Variants in DNAH11 observed in about 807,000 individuals in gnomAD.
The protein encoded by DNAH11 is dynein axonemal heavy chain 11.
Under a neutral mutation model 526.0 loss-of-function variants are expected in DNAH11, and 442 were observed. That is an observed-to-expected ratio of 0.84 (90% CI 0.78 to 0.91). The LOEUF (loss-of-function observed/expected upper bound fraction) is 0.91. DNAH11 is among the 40% of genes least tolerant of loss of function. The pLI is 0.00. For missense variants in DNAH11, 6,989 were observed against 5,448.7 expected, an observed-to-expected ratio of 1.28 and a Z score of -8.90; for synonymous variants, 2,461 against 1,935.9, an observed-to-expected ratio of 1.27 and a Z score of -7.12.
At chr7:21,723,052 T>C (rs1179993042) in intron 44 of DNAH11, among the ~76,000 whole-genome samples, 1 of 152,172 alleles carries the variant, frequency 6.6e-6, no homozygotes, top group Non-Finnish European at 1.5e-5. Flanking sequence ...TGAGCAGCAA[T>C]AGCAGCTTAA....
rs1343804925 is a variant in DNAH11, at chr7:21,558,879, C to T, written c.573C>T (p.His191=). ...SCFTSQDMEY[H]IEVMKKKMYI... Reference sequence around the variant, plus strand: ...TTACTTCACAAGATATGGAATATCACATAGAAGTCATGAAAAAGAAGATGT... The same window carrying T: ...TTACTTCACAAGATATGGAATATCATATAGAAGTCATGAAAAAGAAGATGT... The change falls in exon 3 of 82, where the codon CAC becomes CAT. Residue 191 remains histidine, a synonymous_variant. Coordinates refer to ENST00000409508, the MANE Select transcript of DNAH11 (RefSeq NM_001277115.2). The T allele has an allele frequency of 1.9e-6, 3 of 1,608,062 alleles. No homozygotes were observed. The highest frequency in any genetic ancestry group is 2.5e-6 in the Non-Finnish European group (3 of 1,176,866).
At position 21,736,178 on chromosome 7, in the gene DNAH11, T is replaced by A. The variant is rs368465263; in HGVS notation, c.7645+334T>A. Among the ~76,000 whole-genome samples the A allele has an allele frequency of 5.3e-5, 8 of 152,330 alleles. No individual in the cohort carries two copies. In the East Asian group the frequency reaches 1.4e-3, roughly 26 times the overall value. ...TAAGGGTATACTCAAGGAGGGATGT[T>A]CTGGTTACTTTTTCAAGTAAAAGAT... On this transcript the variant is annotated intron_variant, in intron 46 of 81. Transcript: ENST00000409508.
At chr7:21,750,887 T>C (rs562121608) in intron 54 of DNAH11, among the ~76,000 whole-genome samples, 3 of 152,200 alleles carry the variant, frequency 2.0e-5, no homozygotes, top group East Asian at 1.9e-4. Context: ...AGAGTTCTTA[T>C]AGGGAGAGTG....
intron 28 of DNAH11, among the ~76,000 whole-genome samples, chr7:21,650,692 T>C (rs541293168): frequency 1.0e-3 from 154 of 152,024 alleles, no homozygotes; most frequent in African/African-American, 3.6e-3. Flanking sequence ...CAGGCTGGAG[T>C]GCAGTGGTGC....
intron 45 of DNAH11, among the ~76,000 whole-genome samples, chr7:21,726,786 G>T (rs1785126714): frequency 7.8e-6 from 1 of 127,520 alleles, no homozygotes; most frequent in African/African-American, 3.0e-5. Flanking sequence ...GCTTGAACCT[G>T]GGAGGCGGAG....
At chr7:21,575,618 T>G (rs1014315404) in intron 8 of DNAH11, among the ~76,000 whole-genome samples, 1 of 152,314 alleles carries the variant, frequency 6.6e-6, no homozygotes, top group East Asian at 1.9e-4. Context: ...TCCTTAGTAA[T>G]TCTTTTGGAA....
chr7:21,622,774 G>A (rs1450034335), intron 25 of DNAH11, among the ~76,000 whole-genome samples: 1 of 152,150 alleles, frequency 6.6e-6, no homozygotes, highest in East Asian at 1.9e-4. Context: ...TATGTAGAAA[G>A]CTGAAACTGG....
intron 50 of DNAH11, 83 bp downstream of exon 50, chr7:21,744,682 A>G: frequency 6.5e-7 from 1 of 1,546,622 alleles, no homozygotes; most frequent in South Asian, 1.2e-5. Context: ...GGTATGAGAG[A>G]AGTGCACAAG....
chr7:21,600,573 A>G (rs1019830077), intron 15 of DNAH11, 103 bp from the exon 16 acceptor site: 60 of 1,241,850 alleles, frequency 4.8e-5, no homozygotes, highest in Non-Finnish European at 5.8e-5. Context: ...AATTTTTCTA[A>G]CTACTCTCCC....
chr7:21,764,443 G>A (rs561285262), intron 54 of DNAH11, among the ~76,000 whole-genome samples: 1 of 152,100 alleles, frequency 6.6e-6, no homozygotes, highest in Non-Finnish European at 1.5e-5. Context: ...ATATCATCAG[G>A]TCTGAGCCAT....
At position 21,571,818 on chromosome 7, in the gene DNAH11, A is replaced by G. The variant is rs763939941; in HGVS notation, c.1438A>G (p.Thr480Ala). 3 of 1,611,966 alleles carry G rather than the reference A, an allele frequency of 1.9e-6. No homozygotes were observed. The highest frequency in any genetic ancestry group is 2.5e-6 in the Non-Finnish European group (3 of 1,179,210). The change falls in exon 8 of 82, where the codon ACC becomes GCC. Residue 480 changes from threonine (T) to alanine (A), a missense_variant. Transcript: ENST00000409508. ...RLIKIEDIFA[T>A]TLEFEKLERL... ...GTTTTTTACAAAGGATATATTTGCC[A>G]CCACTTTGGAATTTGAAAAGCTGGA...
chr7:21,756,354 GCTGT>G lies in DNAH11; in HGVS notation c.8940+5995_8940+5998del, dbSNP rs775193656. Among the ~76,000 whole-genome samples, 7 of 151,924 alleles carry G rather than the reference GCTGT, an allele frequency of 4.6e-5. No individual in the cohort carries two copies. In the East Asian group the frequency reaches 1.2e-3, roughly 25 times the overall value. ...CTAAATATATAAGATTCTATTTGGG[GCTGT>G]CTGTTATGTCCCATTAATTTGTTCC... On this transcript the variant is annotated intron_variant, in intron 54 of 81. Coordinates refer to ENST00000409508, the MANE Select transcript of DNAH11 (RefSeq NM_001277115.2).
At chr7:21,825,012 C>G (rs770078517) in intron 65 of DNAH11, among the ~76,000 whole-genome samples, 1 of 152,182 alleles carries the variant, frequency 6.6e-6, no homozygotes, top group African/African-American at 2.4e-5. Context: ...GCTGGAATTA[C>G]AGGCGCCTGC....
intron 74 of DNAH11, among the ~76,000 whole-genome samples, chr7:21,876,140 T>A (rs59354302): frequency 0.032 from 4,834 of 152,156 alleles, 262 homozygotes; most frequent in African/African-American, 0.11. Context: ...CGCCTCGGCA[T>A]CCGAAGTGCT....
chr7:21,801,154 G>C lies in DNAH11; in HGVS notation c.10044G>C (p.Leu3348=). 6.2e-7 allele frequency: 1 copy of C among 1,610,036 alleles called. No individual in the cohort carries two copies. ...RKKLVDLDRN[L]SRLTASFEKA... ...TGATTCAGGATCTGGATCGAAATCTGAGCAGACTCACGGCTTCATTTGAAA... is the reference window on the plus strand; with the variant it reads ...TGATTCAGGATCTGGATCGAAATCTCAGCAGACTCACGGCTTCATTTGAAA... The change falls in exon 62 of 82, where the codon CTG becomes CTC. Residue 3348 remains leucine (L), a synonymous_variant. Coordinates refer to ENST00000409508, the MANE Select transcript of DNAH11 (RefSeq NM_001277115.2).
At chr7:21,713,333 GTT>G (rs1562504092) in intron 42 of DNAH11, among the ~76,000 whole-genome samples, 1 of 152,126 alleles carries the variant, frequency 6.6e-6, no homozygotes, top group East Asian at 1.9e-4. Flanking sequence ...CTTCTGGTTG[GTT>G]TGGCCAATGA....
intron 51 of DNAH11, among the ~76,000 whole-genome samples, chr7:21,747,540 C>A (rs1041218005): frequency 6.6e-6 from 1 of 152,114 alleles, no homozygotes; most frequent in Non-Finnish European, 1.5e-5. Flanking sequence ...TGAACTATTT[C>A]TTCAAACCCA....
intron 6 of DNAH11, among the ~76,000 whole-genome samples, chr7:21,566,758 A>G (rs1783684952): frequency 6.6e-6 from 1 of 152,178 alleles, no homozygotes; most frequent in Non-Finnish European, 1.5e-5. Context: ...GCTAACGATA[A>G]TTGTAAAATA....
chr7:21,891,378 G>A (rs1159890351), intron 76 of DNAH11, among the ~76,000 whole-genome samples: 1 of 152,136 alleles, frequency 6.6e-6, no homozygotes, highest in Non-Finnish European at 1.5e-5. Flanking sequence ...CATACAGACA[G>A]GATTTACGGT....
Sources: allele counts gnomAD v4.1 joint callset (sites outside exome capture counted in the v4.1 genomes callset), GRCh38; gene constraint gnomAD v4.1.1; transcripts MANE v1.5; gene names NCBI Gene and HGNC (gene_info 2026-07-23, HGNC 2026-07-21).